Variants in CMPK1 observed in about 807,000 individuals in gnomAD.
CMPK1 encodes UMP-CMP kinase.
Under a neutral mutation model 25.7 loss-of-function variants are expected in CMPK1, and 10 were observed. The ratio of observed to expected loss-of-function variants is 0.39; its 90% confidence interval spans 0.24 to 0.66. CMPK1 has a LOEUF of 0.66. Ranked by LOEUF, CMPK1 falls within the 30% of genes least tolerant of loss-of-function variation. The pLI is 0.48. For missense variants in CMPK1, 199 were observed against 280.5 expected (o/e 0.71, Z 2.08); for synonymous variants, 106 against 101.5 (o/e 1.04, Z -0.27).
chr1:47,374,872 A>C, intron 3 of CMPK1, 37 bp from the exon 4 acceptor site: 1 of 1,498,862 alleles, frequency 6.7e-7, no homozygotes, highest in Non-Finnish European at 9.2e-7. Flanking sequence ...TGGCAAATTC[A>C]TATCTATATT....
intron 1 of CMPK1, among the ~76,000 whole-genome samples, chr1:47,363,492 G>A (rs988810342): frequency 6.6e-6 from 1 of 152,036 alleles, no homozygotes; most frequent in Non-Finnish European, 1.5e-5. Flanking sequence ...TGCGCATGGT[G>A]GCGGCTGCAG....
chr1:47,376,947 C>A lies in CMPK1; in HGVS notation c.*202C>A. 2.4e-6 allele frequency: 1 copy of A among 417,022 alleles called. No homozygotes were observed. Among genetic ancestry groups the A allele is most frequent in the Non-Finnish European group, 4.3e-6 (1 of 233,272 alleles). The allele number at this position is 417,022 out of a possible 1,614,324, so 25.8% of individuals were successfully genotyped here. A position where few individuals can be genotyped will look rare whatever the true frequency, so the allele number is the denominator to read the frequency against. On this transcript the variant is annotated 3_prime_UTR_variant, in exon 6 of 6. Transcript: ENST00000371873. ...GACAGTGAATTCAGGTTTAACTTCA[C>A]CTTAGTTATGGTGCTCACCAAACGA...
intron 1 of CMPK1, among the ~76,000 whole-genome samples, chr1:47,344,406 A>T (rs1646467619): frequency 6.6e-6 from 1 of 152,218 alleles, no homozygotes. Flanking sequence ...AAACCGACAT[A>T]CGTGAGGCTG....
intron 1 of CMPK1, among the ~76,000 whole-genome samples, chr1:47,342,988 AT>A (rs71053106): frequency 0.87 from 110,571 of 126,700 alleles, 49,183 homozygotes; most frequent in South Asian, 0.98. Flanking sequence ...AACCATTTGT[AT>A]TTTTTTTTTT....
chr1:47,371,716 A>T (rs1472709442), intron 2 of CMPK1, among the ~76,000 whole-genome samples: 1 of 152,184 alleles, frequency 6.6e-6, no homozygotes, highest in East Asian at 1.9e-4. Flanking sequence ...GCCATACCCA[A>T]AGCTTTCACT....
At chr1:47,339,793 C>A (rs531676663) in intron 1 of CMPK1, among the ~76,000 whole-genome samples, 1 of 150,412 alleles carries the variant, frequency 6.6e-6, no homozygotes, top group Non-Finnish European at 1.5e-5. Context: ...CCGCAGCCTC[C>A]GCTTCCCGGG....
At chr1:47,358,066 C>G (rs1186078039) in intron 1 of CMPK1, among the ~76,000 whole-genome samples, 3 of 138,020 alleles carry the variant, frequency 2.2e-5, no homozygotes, top group African/African-American at 8.2e-5. Flanking sequence ...GTTTGTCTAT[C>G]TCTTCTCTGA....
intron 1 of CMPK1, among the ~76,000 whole-genome samples, chr1:47,354,013 C>T (rs1436241457): frequency 1.3e-5 from 2 of 151,994 alleles, no homozygotes; most frequent in Admixed American, 1.3e-4. Context: ...CACTGCGCCT[C>T]GCCTGATATT....
chr1:47,337,615 A>ATT (rs34419291), intron 1 of CMPK1, among the ~76,000 whole-genome samples: 11 of 141,650 alleles, frequency 7.8e-5, no homozygotes, highest in Middle Eastern at 3.6e-3. Context: ...TGGAATATCT[A>ATT]TTTTTTTTTT....
At chr1:47,352,065 A>T (rs1458336371) in intron 1 of CMPK1, among the ~76,000 whole-genome samples, 1 of 152,180 alleles carries the variant, frequency 6.6e-6, no homozygotes, top group African/African-American at 2.4e-5. Flanking sequence ...TGAACCCAGG[A>T]GGCGGAGGTT....
chr1:47,341,780 G>A (rs1238143343), intron 1 of CMPK1, among the ~76,000 whole-genome samples: 2 of 148,396 alleles, frequency 1.3e-5, no homozygotes, highest in Admixed American at 6.7e-5. Flanking sequence ...CTGGGATTAC[G>A]CCCAGCTAAT....
intron 1 of CMPK1, among the ~76,000 whole-genome samples, chr1:47,356,695 C>G (rs1448900752): frequency 6.6e-6 from 1 of 152,098 alleles, no homozygotes; most frequent in East Asian, 1.9e-4. Context: ...GGGTCTTGCT[C>G]TGTCACCCAG....
rs2820981 is a variant in CMPK1 at position 47,376,994 on chromosome 1, A to T, written c.*249A>T. 0.98 allele frequency: 292,159 copies of T among 298,606 alleles called. 143,041 individuals carry two copies. The highest frequency in any genetic ancestry group is 0.99 in the South Asian group (7,942 of 7,986). 18.5% of individuals were successfully genotyped at this position (298,606 alleles called of 1,614,324 possible). A position where few individuals can be genotyped will look rare whatever the true frequency, so the allele number is the denominator to read the frequency against. On this transcript the variant is annotated 3_prime_UTR_variant, in exon 6 of 6. Transcript: ENST00000371873. ...ACGAAGGGTATCAGCTATTTTTTTTAAAATTCAAAAAGAATATCCCTTTTA... is the reference window on the plus strand; with the variant it reads ...ACGAAGGGTATCAGCTATTTTTTTTTAAATTCAAAAAGAATATCCCTTTTA...
At chr1:47,361,584 TA>T (rs1397008252) in intron 1 of CMPK1, among the ~76,000 whole-genome samples, 1 of 152,176 alleles carries the variant, frequency 6.6e-6, no homozygotes, top group African/African-American at 2.4e-5. Context: ...GTCTGGGTTG[TA>T]AATCAGAGTT....
intron 1 of CMPK1, among the ~76,000 whole-genome samples, chr1:47,346,705 T>C (rs1402575177): frequency 1.3e-5 from 2 of 152,064 alleles, no homozygotes; most frequent in African/African-American, 2.4e-5. Context: ...GGTTTCACCA[T>C]GTTGGCCAGG....
In CMPK1 at chr1:47,373,236, G is replaced by A. The variant is rs911744624; in HGVS notation, c.471+129G>A. 23 of 811,678 alleles carry A rather than the reference G, an allele frequency of 2.8e-5. No individual in the cohort carries two copies. In the Admixed American group the frequency reaches 7.2e-4, roughly 25 times the overall value. The allele number at this position is 811,678 out of a possible 1,614,324, so 50.3% of individuals were successfully genotyped here. A position where few individuals can be genotyped will look rare whatever the true frequency, so the allele number is the denominator to read the frequency against. On this transcript the variant is annotated intron_variant, in intron 3 of 5. Coordinates refer to ENST00000371873, the MANE Select transcript of CMPK1 (RefSeq NM_016308.3). ...GTTTTTTGAATTGGTAGATTGGATG[G>A]ACGGAACAGCACTGTCTTGCTGTTG...
At chr1:47,365,743 T>C (rs927704754) in intron 1 of CMPK1, among the ~76,000 whole-genome samples, 16 of 152,164 alleles carry the variant, frequency 1.1e-4, no homozygotes, top group Non-Finnish European at 1.9e-4. Flanking sequence ...CATTTTGTAC[T>C]TGTTGTGAAC....
At chr1:47,365,633 C>CA (rs10623948) in intron 1 of CMPK1, among the ~76,000 whole-genome samples, 53,862 of 108,308 alleles carry the variant, frequency 0.5, 13,416 homozygotes, top group Middle Eastern at 0.55. Context: ...GACCCTGTCT[C>CA]AAAAAAAAAA....
At chr1:47,337,874 G>T (rs3122621) in intron 1 of CMPK1, among the ~76,000 whole-genome samples, 7,576 of 152,140 alleles carry the variant, frequency 0.05, 594 homozygotes, top group African/African-American at 0.17. Context: ...GCCTCCCAAA[G>T]TGCTGGGATT....
Sources: gnomAD v4.1 joint callset for allele counts (sites outside exome capture counted in the v4.1 genomes callset) on GRCh38, gnomAD v4.1.1 for gene constraint, MANE v1.5 for transcripts, NCBI Gene and HGNC (gene_info 2026-07-23, HGNC 2026-07-21) for gene names.